Variants in HHAT observed in about 807,000 individuals in gnomAD.
The protein encoded by HHAT is protein-cysteine N-palmitoyltransferase HHAT.
HHAT carries 47 observed loss-of-function variants against 70.8 expected under a neutral mutation model. The observed-to-expected ratio is 0.66, with a 90% CI of 0.53 to 0.85. HHAT has a LOEUF of 0.85. Ranked by LOEUF, HHAT falls within the 40% of genes least tolerant of loss-of-function variation. HHAT has a pLI of 0.00. For missense variants in HHAT, 609 were observed against 604.8 expected, an observed-to-expected ratio of 1.01 and a Z score of -0.07; for synonymous variants, 228 against 247.6, an observed-to-expected ratio of 0.92 and a Z score of 0.74.
chr1:210,459,938 A>G lies in HHAT; in HGVS notation c.857-4567A>G, dbSNP rs560312005. Among the ~76,000 whole-genome samples, 61 of 152,268 alleles carry G rather than the reference A, an allele frequency of 4.0e-4. 1 individual carries two copies. Among genetic ancestry groups the G allele is most frequent in the Middle Eastern group, 3.4e-3 (1 of 294 alleles). On this transcript the variant is annotated intron_variant, in intron 7 of 11. Coordinates refer to ENST00000261458, the MANE Select transcript of HHAT (RefSeq NM_018194.6). The stretch of plus-strand genomic sequence containing the variant: ...ACATCAGCCAGGGTTGCCATCTTTC[A>G]AAGGTGTAACTGGGCGGGATGTCCA...
chr1:210,558,839 T>C (rs555455719), intron 9 of HHAT, among the ~76,000 whole-genome samples: 1 of 152,278 alleles, frequency 6.6e-6, no homozygotes, highest in South Asian at 2.1e-4. Flanking sequence ...TGGGGCATCC[T>C]TGGGAAAGGT....
At chr1:210,338,419 G>A (rs1259324592) in intron 1 of HHAT, among the ~76,000 whole-genome samples, 2 of 152,144 alleles carry the variant, frequency 1.3e-5, no homozygotes, top group African/African-American at 2.4e-5. Flanking sequence ...GGGTTTGGAT[G>A]GAGTAGATGG....
Position 210,530,647 on chromosome 1 carries a change from C to T in HHAT, c.1043+17459C>T, listed in dbSNP as rs143590935. On this transcript the variant is annotated intron_variant, in intron 9 of 11. Transcript: ENST00000261458. ...GAGAAAAGCATTTGCAGACTTTGCA[C>T]GGACTTGAGTGATGTCTGAGATAGA... Among the ~76,000 whole-genome samples the T allele has an allele frequency of 4.3e-4, 66 of 152,212 alleles. No individual in the cohort carries two copies. In the East Asian group the frequency reaches 0.011, roughly 26 times the overall value.
intron 3 of HHAT, among the ~76,000 whole-genome samples, chr1:210,377,782 T>A (rs540958326): frequency 7.0e-4 from 106 of 152,330 alleles, no homozygotes; most frequent in African/African-American, 2.2e-3. Flanking sequence ...TTTGCCTGGC[T>A]TCTGTGGCGA....
intron 9 of HHAT, among the ~76,000 whole-genome samples, chr1:210,513,889 G>A (rs1002491980): frequency 6.6e-6 from 1 of 152,176 alleles, no homozygotes. Context: ...AATGGTTGCC[G>A]AAAGACTGCA....
intron 11 of HHAT, among the ~76,000 whole-genome samples, chr1:210,659,986 G>A (rs1677295954): frequency 6.6e-6 from 1 of 152,162 alleles, no homozygotes; most frequent in South Asian, 2.1e-4. Flanking sequence ...AAAACTGGAA[G>A]CATTTCCTTT....
intron 10 of HHAT, among the ~76,000 whole-genome samples, chr1:210,598,207 C>T (rs979573023): frequency 2.0e-5 from 3 of 151,752 alleles, no homozygotes; most frequent in Admixed American, 2.0e-4. Context: ...AATTGCAAGA[C>T]AAAGTTGTCT....
At chr1:210,462,066 T>C (rs761851129) in intron 7 of HHAT, among the ~76,000 whole-genome samples, 16 of 152,236 alleles carry the variant, frequency 1.1e-4, no homozygotes, top group Non-Finnish European at 2.4e-4. Context: ...CTCATAAAAA[T>C]GTAGACTCAG....
intron 11 of HHAT, among the ~76,000 whole-genome samples, chr1:210,648,124 C>T (rs1300805237): frequency 6.6e-6 from 1 of 152,204 alleles, no homozygotes; most frequent in Non-Finnish European, 1.5e-5. Flanking sequence ...CTGACCCTCA[C>T]CACAGTTAAA....
chr1:210,344,270 GTT>G (rs1191646255), intron 1 of HHAT, among the ~76,000 whole-genome samples: 3 of 48,268 alleles, frequency 6.2e-5, no homozygotes, highest in African/African-American at 3.7e-4. Flanking sequence ...TTGAAACTAT[GTT>G]ATTGTTTCAT....
At chr1:210,474,687 A>G (rs2094272639) in intron 8 of HHAT, among the ~76,000 whole-genome samples, 1 of 152,210 alleles carries the variant, frequency 6.6e-6, no homozygotes, top group Non-Finnish European at 1.5e-5. Flanking sequence ...ACTCAGCATT[A>G]GAATCCAAGA....
intron 7 of HHAT, among the ~76,000 whole-genome samples, chr1:210,453,709 G>C (rs140604633): frequency 1.9e-3 from 284 of 152,294 alleles, no homozygotes; most frequent in Non-Finnish European, 3.6e-3. Context: ...TGGATACTTT[G>C]AGGGGGGTAA....
chr1:210,348,800 G>C (rs2086757360), intron 1 of HHAT, 133 bp from the exon 2 acceptor site: 1 of 784,420 alleles, frequency 1.3e-6, no homozygotes. Flanking sequence ...GGAGGAGGAA[G>C]CTTGATTGGG....
At chr1:210,637,845 T>G in intron 11 of HHAT, among the ~76,000 whole-genome samples, 1 of 108,394 alleles carries the variant, frequency 9.2e-6, no homozygotes. Flanking sequence ...GGCAACAGAG[T>G]GAGACTCCGT....
At chr1:210,652,936 G>A (rs948730636) in intron 11 of HHAT, among the ~76,000 whole-genome samples, 1 of 152,132 alleles carries the variant, frequency 6.6e-6, no homozygotes, top group Non-Finnish European at 1.5e-5. Context: ...AAAGTGACCC[G>A]GCAGTTCCAC....
intron 10 of HHAT, among the ~76,000 whole-genome samples, chr1:210,619,638 TTGCCG>T (rs1453923230): frequency 6.6e-6 from 1 of 152,152 alleles, no homozygotes; most frequent in Non-Finnish European, 1.5e-5. Context: ...GTCCTGCACA[TTGCCG>T]TGCGCTTATT....
intron 9 of HHAT, among the ~76,000 whole-genome samples, chr1:210,549,556 C>T (rs1185846086): frequency 6.7e-6 from 1 of 148,802 alleles, no homozygotes; most frequent in Non-Finnish European, 1.5e-5. Context: ...ATCCATATGC[C>T]TACAGGGTCT....
chr1:210,425,099 G>A (rs762664207), intron 7 of HHAT, among the ~76,000 whole-genome samples: 12 of 152,214 alleles, frequency 7.9e-5, no homozygotes, highest in Non-Finnish European at 1.6e-4. Flanking sequence ...CTAATGAGCA[G>A]TGATGCTGAG....
At chr1:210,490,578 A>T (rs556634209) in intron 8 of HHAT, among the ~76,000 whole-genome samples, 1 of 152,332 alleles carries the variant, frequency 6.6e-6, no homozygotes, top group African/African-American at 2.4e-5. Flanking sequence ...CAAACACCTT[A>T]GCAAACTTCC....
Sources: allele counts gnomAD v4.1 joint callset (sites outside exome capture counted in the v4.1 genomes callset), GRCh38; gene constraint gnomAD v4.1.1; transcripts MANE v1.5; gene names NCBI Gene and HGNC (gene_info 2026-07-23, HGNC 2026-07-21).